The following NTHL1 variants were observed in gnomAD, a reference collection of about 807,000 sequenced individuals.
The protein encoded by NTHL1 is endonuclease III-like protein 1.
Under a neutral mutation model 32.3 loss-of-function variants are expected in NTHL1, and 32 were observed. That is an observed-to-expected ratio of 0.99 (90% confidence interval 0.75 to 1.33). The LOEUF is 1.33. Ranked by LOEUF, NTHL1 falls within the 40% of genes most tolerant of loss-of-function variation. The pLI is 0.00. For missense variants in NTHL1, 501 were observed against 414.1 expected (o/e 1.21, Z -1.82); for synonymous variants, 188 against 176.9 (o/e 1.06, Z -0.50).
At chr16:2,046,084 T>C (rs370930111) in intron 2 of NTHL1, 44 bp downstream of exon 2, 34 of 1,529,474 alleles carry the variant, frequency 2.2e-5, no homozygotes, top group Non-Finnish European at 3.0e-5. Context: ...ACAAGGACCT[T>C]GCTAAGATGG....
chr16:2,047,556 G>A lies in NTHL1; in HGVS notation c.115+153C>T, dbSNP rs2084497969. 6 of 1,268,408 alleles carry A rather than the reference G, an allele frequency of 4.7e-6. No homozygotes were observed. In the Admixed American group the frequency reaches 1.5e-4, roughly 31 times the overall value. The allele number at this position is 1,268,408 out of a possible 1,614,324, so 78.6% of individuals were successfully genotyped here. A position where few individuals can be genotyped will look rare whatever the true frequency, so the allele number is the denominator to read the frequency against. On this transcript the variant is annotated intron_variant, in intron 1 of 5. Transcript: ENST00000651570. Reference sequence around the variant, plus strand: ...GCAATCTTTGGGAAAAAGGCGCAAGGTGGGAACGCAGGGCCGCACGTGGGA... The same window carrying A: ...GCAATCTTTGGGAAAAAGGCGCAAGATGGGAACGCAGGGCCGCACGTGGGA...
In NTHL1 at chr16:2,047,793, G is replaced by C. The variant is rs549760347; in HGVS notation, c.31C>G (p.Arg11Gly). 2 of 1,591,358 alleles carry C rather than the reference G, an allele frequency of 1.3e-6. No homozygotes were observed. Among genetic ancestry groups the C allele is most frequent in the African/African-American group, 2.7e-5 (2 of 74,736 alleles). The change falls in exon 1 of 6, where the codon CGG (arginine) becomes GGG (glycine). Residue 11 changes from arginine to glycine, a missense_variant. Coordinates refer to ENST00000651570, the MANE Select transcript of NTHL1 (RefSeq NM_002528.7). The stretch of plus-strand genomic sequence containing the variant: ...GCCCCGGGTCCCAGGCTCCGGCTCC[G>C]GGTCAGCATCCTCGCGCTCAAGGCG... Reference protein sequence around the residue: MTALSARMLTRSRSLGPGAGP... With the variant: MTALSARMLTGSRSLGPGAGP...
chr16:2,041,668 C>T (rs1000703810), intron 4 of NTHL1, among the ~76,000 whole-genome samples: 4 of 150,846 alleles, frequency 2.7e-5, no homozygotes, highest in African/African-American at 4.9e-5. Context: ...AGTACACTGG[C>T]GCGATCTCAG....
rs1315020256 is a variant in NTHL1, at chr16:2,040,139, A to G, written c.785T>C (p.Leu262Pro). 1 of 1,613,732 alleles carries G rather than the reference A, an allele frequency of 6.2e-7. No individual in the cohort carries two copies. Among genetic ancestry groups the G allele is most frequent in the Non-Finnish European group, 8.5e-7 (1 of 1,180,000 alleles). The change falls in exon 5 of 6, where the codon CTG (leucine) becomes CCG (proline). Residue 262 changes from leucine to proline, a missense_variant. By Grantham distance (98) the Leu-to-Pro change is moderately conservative (BLOSUM62 -3). Transcript: ENST00000651570. The stretch of plus-strand genomic sequence containing the variant: ...GCCCCCCACATACTCATACCTAGGC[A>G]GCCACTCCTCCAGGGCGGCGCGGGT... ...EETRAALEEWLPRELWHEING... is the reference protein window; with the variant it reads ...EETRAALEEWPPRELWHEING...
rs1288936702 is a variant in NTHL1 at position 2,044,676 on chromosome 16, T to C, written c.479A>G (p.Asp160Gly). ...GATGAGCTTGCCCAGCGTGGCATCA[T>C]CTGTCTGCAGGATGCTGTCCACCGT... Reference protein sequence around the residue: ...GLTVDSILQTDDATLGKLIYP... With the variant: ...GLTVDSILQTGDATLGKLIYP... The change falls in exon 3 of 6, where the codon GAT (aspartate) becomes GGT (glycine). Residue 160 changes from aspartate to glycine, a missense_variant. Coordinates refer to ENST00000651570, the MANE Select transcript of NTHL1 (RefSeq NM_002528.7). This position sits in a 1 kb window ranked among gnomAD's most constrained non-coding sequence, Gnocchi z 5.0. The C allele has an allele frequency of 6.2e-7, 1 of 1,611,364 alleles. No homozygotes were observed. The highest frequency in any genetic ancestry group is 2.2e-5 in the East Asian group (1 of 44,874).
At chr16:2,041,964 G>A in intron 4 of NTHL1, 1 of 448,474 alleles carries the variant, frequency 2.2e-6, no homozygotes, top group Admixed American at 2.4e-5. Flanking sequence ...CGTTGGCCAG[G>A]CTGATCTTGA....
rs1388213392 is a variant in NTHL1 at position 2,047,723 on chromosome 16, C to T, written c.101G>A (p.Arg34Lys). The T allele has an allele frequency of 1.3e-6, 2 of 1,583,634 alleles. No homozygotes were observed. Among genetic ancestry groups the T allele is most frequent in the Non-Finnish European group, 1.7e-6 (2 of 1,171,568 alleles). Residue 34 changes from arginine (R) to lysine (K), a missense_variant, in exon 1 of 6, where the codon AGA becomes AAA. Coordinates refer to ENST00000651570, the MANE Select transcript of NTHL1 (RefSeq NM_002528.7). Reference sequence around the variant, plus strand: ...CGCGGCGCTACCTGCTGCAGCCTCTCTTCTCCGGAGAGGCCCGGGCTCCTC... The same window carrying T: ...CGCGGCGCTACCTGCTGCAGCCTCTTTTCTCCGGAGAGGCCCGGGCTCCTC... Reference protein sequence around the residue: ...CREEPGPLRRREAAAEARKSH... With the variant: ...CREEPGPLRRKEAAAEARKSH...
chr16:2,041,042 G>A (rs1252006438), intron 4 of NTHL1, among the ~76,000 whole-genome samples: 1 of 152,230 alleles, frequency 6.6e-6, no homozygotes, highest in Non-Finnish European at 1.5e-5. Context: ...TCTGCTCACT[G>A]GGGCTCCCTT....
chr16:2,045,030 T>G (rs942609194), intron 2 of NTHL1, among the ~76,000 whole-genome samples: 1 of 152,126 alleles, frequency 6.6e-6, no homozygotes, highest in African/African-American at 2.4e-5. Flanking sequence ...TTAAATGAAT[T>G]ATCTCAGTGC....
chr16:2,043,694 G>A lies in NTHL1; in HGVS notation c.558C>T (p.Ala186=). 1.2e-6 allele frequency: 2 copies of A among 1,612,174 alleles called. No homozygotes were observed. The highest frequency in any genetic ancestry group is 1.7e-6 in the Non-Finnish European group (2 of 1,179,978). ...SKVKYIKQTS[A]ILQQHYGGDI... ...CCCCACCGTAGTGCTGCTGCAGGATGGCGCTGGTCTGCTTGATGTATTTCA... is the reference window on the plus strand; with the variant it reads ...CCCCACCGTAGTGCTGCTGCAGGATAGCGCTGGTCTGCTTGATGTATTTCA... The change falls in exon 4 of 6, where the codon GCC becomes GCT. Residue 186 remains alanine (A), a synonymous_variant. Transcript: ENST00000651570. The surrounding 1 kb of genome is among the most constrained non-coding windows in gnomAD (Gnocchi z 4.4).
intron 2 of NTHL1, among the ~76,000 whole-genome samples, chr16:2,045,572 G>C (rs1310055780): frequency 3.9e-5 from 6 of 152,038 alleles, no homozygotes; most frequent in East Asian, 3.9e-4. Flanking sequence ...AAGTAGCTGG[G>C]GTTACAGGTG....
chr16:2,040,487 C>A, intron 4 of NTHL1: 1 of 579,226 alleles, frequency 1.7e-6, no homozygotes, highest in Non-Finnish European at 3.1e-6. Flanking sequence ...GGGCTCTGTT[C>A]TGGGCTGCCC....
At position 2,043,941 on chromosome 16, in the gene NTHL1, A is replaced by G; in HGVS notation, c.526-215T>C. 1 of 593,722 alleles carries G rather than the reference A, an allele frequency of 1.7e-6. No individual in the cohort carries two copies. The highest frequency in any genetic ancestry group is 3.0e-6 in the Non-Finnish European group (1 of 330,726). 36.8% of individuals were successfully genotyped at this position (593,722 alleles called of 1,614,324 possible). A position where few individuals can be genotyped will look rare whatever the true frequency, so the allele number is the denominator to read the frequency against. On this transcript the variant is annotated intron_variant, in intron 3 of 5. Transcript: ENST00000651570. This position sits in a 1 kb window ranked among gnomAD's most constrained non-coding sequence, Gnocchi z 4.4. ...CCCCTCCTCCCACCCGTGTGGGCCA[A>G]TGATGCACGTGTAGGCTCTGGCTGG...
Position 2,043,454 on chromosome 16 carries a change from T to C in NTHL1, c.685+113A>G. 2 of 1,467,794 alleles carry C rather than the reference T, an allele frequency of 1.4e-6. No individual in the cohort carries two copies. The highest frequency in any genetic ancestry group is 1.9e-6 in the Non-Finnish European group (2 of 1,078,982). 90.9% of individuals were successfully genotyped at this position (1,467,794 alleles called of 1,614,324 possible). On this transcript the variant is annotated intron_variant, in intron 4 of 5. Coordinates refer to ENST00000651570, the MANE Select transcript of NTHL1 (RefSeq NM_002528.7). This position sits in a 1 kb window ranked among gnomAD's most constrained non-coding sequence, Gnocchi z 4.4. ...CACCCTGGGAGCACCTTTCTGACTC[T>C]ATGGGCTGGGTGGAGGACCAGCATG...
In NTHL1 at chr16:2,043,334, T is replaced by C. The variant is rs2084295103; in HGVS notation, c.685+233A>G. 1 of 595,824 alleles carries C rather than the reference T, an allele frequency of 1.7e-6. No individual in the cohort carries two copies. The highest frequency in any genetic ancestry group is 1.9e-5 in the African/African-American group (1 of 53,890). The allele number at this position is 595,824 out of a possible 1,614,324, so 36.9% of individuals were successfully genotyped here. ...GAATACAACGCAGATGGAGTCCAGCTCCGGGGCCTCTCTCAGAGCCCTGCA... is the reference window on the plus strand; with the variant it reads ...GAATACAACGCAGATGGAGTCCAGCCCCGGGGCCTCTCTCAGAGCCCTGCA... On this transcript the variant is annotated intron_variant, in intron 4 of 5. Transcript: ENST00000651570. The surrounding 1 kb of genome is among the most constrained non-coding windows in gnomAD (Gnocchi z 4.4).
chr16:2,047,775 G>A lies in NTHL1; in HGVS notation c.49C>T (p.Pro17Ser), dbSNP rs1173561620. The A allele has an allele frequency of 2.5e-6, 4 of 1,588,550 alleles. No individual in the cohort carries two copies. The highest frequency in any genetic ancestry group is 2.3e-5 in the South Asian group (2 of 88,576). The stretch of plus-strand genomic sequence containing the variant: ...CTACACCCCCGCGGCCCAGCCCCGG[G>A]TCCCAGGCTCCGGCTCCGGGTCAGC... ...RMLTRSRSLG[P>S]GAGPRGCREE... Residue 17 changes from proline to serine, a missense_variant, in exon 1 of 6, where the codon CCC becomes TCC. Transcript: ENST00000651570.
chr16:2,041,417 C>G (rs765116118), intron 4 of NTHL1, among the ~76,000 whole-genome samples: 3 of 152,022 alleles, frequency 2.0e-5, no homozygotes, highest in African/African-American at 7.3e-5. Context: ...GAGCTGGGAC[C>G]GGAGCCAGCA....
At chr16:2,040,292 T>G in intron 4 of NTHL1, 54 bp from the exon 5 acceptor site, 2 of 1,537,764 alleles carry the variant, frequency 1.3e-6, no homozygotes, top group South Asian at 2.2e-5. Context: ...GCCTAGCCCG[T>G]GCCCCTCCCC....
At chr16:2,042,376 G>A (rs1217056565) in intron 4 of NTHL1, among the ~76,000 whole-genome samples, 8 of 152,164 alleles carry the variant, frequency 5.3e-5, no homozygotes, top group Admixed American at 3.9e-4. Flanking sequence ...GCCCTGCCCC[G>A]GCGCACCTGG....
Sources: gnomAD v4.1 joint callset for allele counts (sites outside exome capture counted in the v4.1 genomes callset) on GRCh38, gnomAD v4.1.1 for gene constraint, Gnocchi (gnomAD v3.1) non-coding constraint, MANE v1.5 for transcripts, NCBI Gene and HGNC (gene_info 2026-07-23, HGNC 2026-07-21) for gene names.